Variants in DDAH1 observed in about 807,000 individuals in gnomAD.
DDAH1 encodes the protein dimethylarginine dimethylaminohydrolase 1, also known as N(G),N(G)-dimethylarginine dimethylaminohydrolase 1.
Under a neutral mutation model 28.8 loss-of-function variants are expected in DDAH1, and 19 were observed. That is an observed-to-expected ratio of 0.66 (90% CI 0.46 to 0.97). DDAH1 has a LOEUF of 0.97. Among genes scored for constraint, DDAH1 ranks in the 50% least tolerant of loss-of-function variants. The pLI, the probability that DDAH1 is intolerant of heterozygous loss-of-function variation, is 0.00. For synonymous variants in DDAH1, 153 were observed against 154.4 expected (o/e 0.99, Z 0.07); for missense variants, 326 against 375.9 (o/e 0.87, Z 1.10).
At chr1:85,387,167 ATC>A (rs758122889) in intron 1 of DDAH1, among the ~76,000 whole-genome samples, 6 of 152,094 alleles carry the variant, frequency 3.9e-5, no homozygotes, top group African/African-American at 1.4e-4. Flanking sequence ...ATCCATGTTA[ATC>A]TCTCTAGCAA....
At chr1:85,460,607 G>C (rs1327988281) in intron 1 of DDAH1, among the ~76,000 whole-genome samples, 1 of 152,068 alleles carries the variant, frequency 6.6e-6, no homozygotes, top group Non-Finnish European at 1.5e-5. Context: ...TAAAAAAAAA[G>C]TAAAGGGGCA....
chr1:85,393,026 C>A (rs1454754508), intron 1 of DDAH1, among the ~76,000 whole-genome samples: 1 of 152,118 alleles, frequency 6.6e-6, no homozygotes, highest in Non-Finnish European at 1.5e-5. Context: ...ATGGCTGATT[C>A]CTAGTATTTG....
intron 2 of DDAH1, among the ~76,000 whole-genome samples, chr1:85,357,384 G>A (rs1336309255): frequency 6.6e-6 from 1 of 152,166 alleles, no homozygotes; most frequent in Non-Finnish European, 1.5e-5. Flanking sequence ...CCCAGAGCTG[G>A]CAACGTGGTG....
intron 1 of DDAH1, among the ~76,000 whole-genome samples, chr1:85,535,016 C>T (rs1276540691): frequency 6.8e-6 from 1 of 147,308 alleles, no homozygotes; most frequent in Non-Finnish European, 1.5e-5. Flanking sequence ...CTTAGCAATT[C>T]TTTTTTTTTT....
chr1:85,502,544 C>A (rs1014300405), intron 1 of DDAH1, among the ~76,000 whole-genome samples: 7 of 152,162 alleles, frequency 4.6e-5, no homozygotes, highest in Admixed American at 6.5e-5. Flanking sequence ...TCACTGCCAT[C>A]ATTGCCCCCT....
chr1:85,484,582 T>C (rs893547362), intron 2 of DDAH1, among the ~76,000 whole-genome samples: 24 of 152,188 alleles, frequency 1.6e-4, no homozygotes, highest in African/African-American at 5.8e-4. Flanking sequence ...AAGACTAGCA[T>C]GTGGATACAA....
chr1:85,481,221 C>G (rs975815239), intron 2 of DDAH1, among the ~76,000 whole-genome samples: 2 of 151,454 alleles, frequency 1.3e-5, no homozygotes, highest in African/African-American at 4.9e-5. Context: ...CCCCAGCCTC[C>G]CAAGTAGCTG....
intron 1 of DDAH1, among the ~76,000 whole-genome samples, chr1:85,505,425 C>A (rs1656980439): frequency 1.3e-5 from 2 of 152,106 alleles, no homozygotes; most frequent in South Asian, 4.1e-4. Context: ...AAGTTTTGAG[C>A]TGAATTTTGG....
At chr1:85,571,791 T>A (rs1659463028) in intron 1 of DDAH1, among the ~76,000 whole-genome samples, 1 of 138,852 alleles carries the variant, frequency 7.2e-6, no homozygotes, top group African/African-American at 2.6e-5. Context: ...TATAAGCTTT[T>A]TTTTTTTTTT....
Position 85,363,906 on chromosome 1 carries a change from C to CTTT in DDAH1, c.304-5062_304-5060dup, listed in dbSNP as rs71819142. ...TCAACAAATATTTGGTGGATGTCAA[C>CTTT]TTTTTTTTTTTTTTTTTTCAAATCA... On this transcript the variant is annotated intron_variant, in intron 1 of 5. Transcript: ENST00000284031. Among the ~76,000 whole-genome samples, 337 of 130,580 alleles carry CTTT rather than the reference C, an allele frequency of 2.6e-3. 2 individuals are homozygous for CTTT. Among genetic ancestry groups the CTTT allele is most frequent in the African/African-American group, 7.4e-3 (255 of 34,640 alleles). The allele number at this position is 130,580 out of a possible 152,430, so 85.7% of individuals were successfully genotyped here.
intron 1 of DDAH1, among the ~76,000 whole-genome samples, chr1:85,423,872 G>A (rs1653265638): frequency 6.6e-6 from 1 of 152,156 alleles, no homozygotes; most frequent in Admixed American, 6.6e-5. Flanking sequence ...CCCAATATTA[G>A]AGGGCAAGCA....
At chr1:85,470,203 AAG>A (rs1655570833) in intron 2 of DDAH1, among the ~76,000 whole-genome samples, 2 of 152,206 alleles carry the variant, frequency 1.3e-5, no homozygotes. Flanking sequence ...TATAAAGAAA[AAG>A]AGATTTTATG....
At chr1:85,430,074 T>C (rs973365286) in intron 1 of DDAH1, among the ~76,000 whole-genome samples, 1 of 152,232 alleles carries the variant, frequency 6.6e-6, no homozygotes, top group Non-Finnish European at 1.5e-5. Context: ...TTAATTTTTG[T>C]ATAAGGTGTA....
At chr1:85,377,974 A>G (rs535748386) in intron 1 of DDAH1, among the ~76,000 whole-genome samples, 8 of 152,324 alleles carry the variant, frequency 5.3e-5, no homozygotes, top group South Asian at 2.1e-4. Context: ...TCATATGAAT[A>G]AAGTTTTCAG....
intron 1 of DDAH1, among the ~76,000 whole-genome samples, chr1:85,377,684 C>T (rs763891572): frequency 3.5e-4 from 53 of 151,964 alleles, no homozygotes; most frequent in Non-Finnish European, 6.2e-4. Flanking sequence ...GGAAGCAAAA[C>T]ATCTTTCTCT....
chr1:85,433,807 C>T (rs142122340), intron 1 of DDAH1, among the ~76,000 whole-genome samples: 59 of 152,204 alleles, frequency 3.9e-4, no homozygotes, highest in African/African-American at 1.4e-3. Flanking sequence ...ACTAAGGAAA[C>T]TTTAAACTTA....
At chr1:85,451,653 G>A (rs2100671273) in intron 1 of DDAH1, among the ~76,000 whole-genome samples, 1 of 152,248 alleles carries the variant, frequency 6.6e-6, no homozygotes, top group African/African-American at 2.4e-5. Context: ...TCCTGAGTCA[G>A]CTTAGAAGCA....
intron 1 of DDAH1, among the ~76,000 whole-genome samples, chr1:85,453,307 G>C (rs1654748902): frequency 6.6e-6 from 1 of 152,102 alleles, no homozygotes; most frequent in Non-Finnish European, 1.5e-5. Context: ...CAGTTATCCA[G>C]CTCAGTGCTC....
At chr1:85,455,963 A>AT (rs1052818474) in intron 1 of DDAH1, among the ~76,000 whole-genome samples, 3 of 152,076 alleles carry the variant, frequency 2.0e-5, no homozygotes, top group Non-Finnish European at 2.9e-5. Flanking sequence ...TAAAATCAGT[A>AT]TTTTTTATTT....
Sources: allele counts gnomAD v4.1 joint callset (sites outside exome capture counted in the v4.1 genomes callset), GRCh38; gene constraint gnomAD v4.1.1; transcripts MANE v1.5; gene names NCBI Gene and HGNC (gene_info 2026-07-23, HGNC 2026-07-21).